Variants in TMC1 observed in about 807,000 individuals in gnomAD.
The protein encoded by TMC1 is transmembrane channel like 1.
Under a neutral mutation model 105.8 loss-of-function variants are expected in TMC1, and 84 were observed. The observed-to-expected ratio is 0.79, with a 90% CI of 0.67 to 0.95. The LOEUF (loss-of-function observed/expected upper bound fraction) is 0.95, where lower values mean the gene tolerates loss of function less well. TMC1 is among the 40% of genes least tolerant of loss of function. TMC1 has a pLI of 0.00. For missense variants in TMC1, 817 were observed against 914.1 expected, an observed-to-expected ratio of 0.89 and a Z score of 1.37; for synonymous variants, 315 against 311.5, an observed-to-expected ratio of 1.01 and a Z score of -0.12.
chr9:72,698,774 G>C (rs1826593606), intron 7 of TMC1, among the ~76,000 whole-genome samples: 1 of 152,140 alleles, frequency 6.6e-6, no homozygotes, highest in East Asian at 1.9e-4. Flanking sequence ...CTCTGCAGAG[G>C]GGCTGATGCT....
At chr9:72,781,024 A>C (rs1360274601) in intron 13 of TMC1, among the ~76,000 whole-genome samples, 2 of 152,214 alleles carry the variant, frequency 1.3e-5, no homozygotes, top group Non-Finnish European at 2.9e-5. Context: ...CATTCTTCTT[A>C]TCTGCAAATG....
intron 13 of TMC1, among the ~76,000 whole-genome samples, chr9:72,783,999 T>C (rs1324667078): frequency 6.6e-6 from 1 of 152,164 alleles, no homozygotes; most frequent in Non-Finnish European, 1.5e-5. Flanking sequence ...ATTCTGGATA[T>C]CGGCCCTGGC....
intron 5 of TMC1, among the ~76,000 whole-genome samples, chr9:72,660,315 A>G (rs779357020): frequency 1.8e-4 from 27 of 152,168 alleles, no homozygotes; most frequent in Non-Finnish European, 3.2e-4. Flanking sequence ...TGAATTCTCT[A>G]CCTCAAATGT....
At chr9:72,586,601 C>A (rs1210477233) in intron 2 of TMC1, among the ~76,000 whole-genome samples, 2 of 152,174 alleles carry the variant, frequency 1.3e-5, no homozygotes, top group Non-Finnish European at 2.9e-5. Flanking sequence ...TCAGTTGCCA[C>A]TTATCTCTGT....
intron 7 of TMC1, among the ~76,000 whole-genome samples, chr9:72,698,666 G>A (rs998697456): frequency 5.9e-5 from 9 of 152,156 alleles, no homozygotes; most frequent in African/African-American, 2.2e-4. Flanking sequence ...GTAACTACTG[G>A]AAGCAGCTAC....
intron 2 of TMC1, among the ~76,000 whole-genome samples, chr9:72,586,812 C>A (rs141401518): frequency 2.2e-4 from 33 of 152,312 alleles, no homozygotes; most frequent in South Asian, 1.4e-3. Flanking sequence ...TGAGGGTGAC[C>A]AGAGTCCAAG....
chr9:72,824,979 T>G (rs1213564021), intron 20 of TMC1, among the ~76,000 whole-genome samples: 1 of 152,230 alleles, frequency 6.6e-6, no homozygotes, highest in Non-Finnish European at 1.5e-5. Flanking sequence ...TTTTTAGTAT[T>G]AAAAGTTAAA....
intron 4 of TMC1, among the ~76,000 whole-genome samples, chr9:72,639,236 T>C (rs1177481234): frequency 6.6e-6 from 1 of 152,212 alleles, no homozygotes; most frequent in African/African-American, 2.4e-5. Context: ...TATAACTTAT[T>C]CTAATATTTC....
intron 4 of TMC1, among the ~76,000 whole-genome samples, chr9:72,628,728 CA>C (rs1198847844): frequency 2.6e-5 from 4 of 151,632 alleles, no homozygotes; most frequent in Middle Eastern, 3.4e-3. Context: ...ATGAGGCAAA[CA>C]AAAAAAATTA....
At chr9:72,628,623 A>G (rs1229601366) in intron 4 of TMC1, among the ~76,000 whole-genome samples, 1 of 152,224 alleles carries the variant, frequency 6.6e-6, no homozygotes, top group African/African-American at 2.4e-5. Flanking sequence ...GGGAAAGTAG[A>G]GCATGTTCTG....
At chr9:72,651,394 C>G (rs1448395952) in intron 5 of TMC1, 1 of 152,036 alleles carries the variant, frequency 6.6e-6, no homozygotes, top group Non-Finnish European at 1.5e-5. Context: ...CTGTAAGATC[C>G]TAGATCCCAC....
intron 5 of TMC1, among the ~76,000 whole-genome samples, chr9:72,657,586 T>C (rs1825904186): frequency 6.6e-6 from 1 of 152,240 alleles, no homozygotes; most frequent in South Asian, 2.1e-4. Flanking sequence ...CTCTCAGTTC[T>C]GGTTTTTGCC....
chr9:72,685,100 C>CT (rs71359515), intron 5 of TMC1, among the ~76,000 whole-genome samples: 5,628 of 91,010 alleles, frequency 0.062, 381 homozygotes, highest in Middle Eastern at 0.069. Context: ...TAAAGTCATT[C>CT]TTTTTTTTTT....
chr9:72,531,495 A>G (rs1296998488), intron 1 of TMC1, among the ~76,000 whole-genome samples: 1 of 152,166 alleles, frequency 6.6e-6, no homozygotes, highest in African/African-American at 2.4e-5. Context: ...CAGATTTGAT[A>G]TTTTCCAGGT....
intron 2 of TMC1, among the ~76,000 whole-genome samples, chr9:72,608,577 C>T (rs573571068): frequency 2.9e-4 from 44 of 151,960 alleles, no homozygotes; most frequent in African/African-American, 9.6e-4. Flanking sequence ...CTTGGTGGTG[C>T]GTGCCTGTAA....
chr9:72,771,011 C>G (rs77928571), intron 12 of TMC1, among the ~76,000 whole-genome samples: 1,702 of 152,288 alleles, frequency 0.011, 33 homozygotes, highest in African/African-American at 0.037. Flanking sequence ...TACCCAGAAA[C>G]AGTGTTTGAT....
At chr9:72,558,142 T>TTC (rs900878535) in intron 1 of TMC1, among the ~76,000 whole-genome samples, 8 of 150,922 alleles carry the variant, frequency 5.3e-5, no homozygotes, top group South Asian at 2.1e-4. Flanking sequence ...TGGTGAACAT[T>TTC]TCTCTCTCTC....
chr9:72,835,886 T>C, intron 23 of TMC1, 65 bp from the exon 24 acceptor site: 21 of 1,560,752 alleles, frequency 1.3e-5, no homozygotes, highest in Non-Finnish European at 1.6e-5. Context: ...TTTATTTGCC[T>C]CCTGTTCATC....
intron 13 of TMC1, among the ~76,000 whole-genome samples, chr9:72,775,440 T>A (rs973263028): frequency 1.3e-5 from 2 of 152,192 alleles, no homozygotes; most frequent in Admixed American, 1.3e-4. Context: ...TGAAGTTTTA[T>A]ATCATAAAAT....
Sources: gnomAD v4.1 joint callset for allele counts (sites outside exome capture counted in the v4.1 genomes callset) on GRCh38, gnomAD v4.1.1 for gene constraint, MANE v1.5 for transcripts, NCBI Gene and HGNC (gene_info 2026-07-23, HGNC 2026-07-21) for gene names.